POLR2M: variants seen among roughly 807,000 people sequenced by gnomAD.
POLR2M encodes RNA polymerase II subunit M, also known as protein GRINL1A.
Under a neutral mutation model 34.6 loss-of-function variants are expected in POLR2M, and 30 were observed. The ratio of observed to expected loss-of-function variants is 0.87; its 90% CI spans 0.65 to 1.18. The LOEUF (loss-of-function observed/expected upper bound fraction) is 1.18, where lower values mean the gene tolerates loss of function less well. Among genes scored for constraint, POLR2M ranks in the 50% most tolerant of loss-of-function variants. The probability of loss-of-function intolerance (pLI) is 0.00; values close to 1 mark genes in which losing one functional copy is unlikely to be tolerated. For missense variants in POLR2M, 432 were observed against 448.7 expected (o/e 0.96, Z 0.34); for synonymous variants, 150 against 166.7 (o/e 0.90, Z 0.77).
At chr15:57,713,197 C>CAAAAAA (rs10656680) in intron 3 of POLR2M, among the ~76,000 whole-genome samples, 2 of 145,790 alleles carry the variant, frequency 1.4e-5, no homozygotes, top group Non-Finnish European at 1.5e-5. Context: ...GACCCTGTCT[C>CAAAAAA]AAAAAAAAAA....
intron 2 of POLR2M, among the ~76,000 whole-genome samples, 187 bp downstream of exon 2, chr15:57,709,545 T>C (rs1303540339): frequency 6.6e-6 from 1 of 152,152 alleles, no homozygotes; most frequent in Non-Finnish European, 1.5e-5. Context: ...CCTTTTCTCT[T>C]AAATAAGTCA....
chr15:57,707,369 G>T, intron 1 of POLR2M: 1 of 701,184 alleles, frequency 1.4e-6, no homozygotes, highest in Non-Finnish European at 2.6e-6. Context: ...ATATGAAGAG[G>T]GGTTTATTAG....
chr15:57,708,849 G>T lies in POLR2M; in HGVS notation c.249G>T (p.Lys83Asn). 5.0e-6 allele frequency: 8 copies of T among 1,614,004 alleles called. No individual in the cohort carries two copies. The highest frequency in any genetic ancestry group is 5.9e-6 in the Non-Finnish European group (7 of 1,179,870). Residue 83 changes from lysine (K) to asparagine (N), a missense_variant, in exon 2 of 4, where the codon AAG becomes AAT. Coordinates refer to ENST00000299638, the MANE Select transcript of POLR2M (RefSeq NM_015532.5). ...TTAACCCTGTTAGTTTAGACTGTAA[G>T]CTAAGGCAAAAAGCAATTGCAGAAG... ...ELFNPVSLDC[K>N]LRQKAIAEVD...
At chr15:57,711,858 T>A in intron 2 of POLR2M, 126 bp from the exon 3 acceptor site, 1 of 1,139,648 alleles carries the variant, frequency 8.8e-7, no homozygotes, top group Non-Finnish European at 1.2e-6. Context: ...TGAATACTGG[T>A]AAATTACTTA....
At chr15:57,712,395 A>G (rs1286496603) in intron 3 of POLR2M, among the ~76,000 whole-genome samples, 2 of 152,294 alleles carry the variant, frequency 1.3e-5, no homozygotes, top group East Asian at 3.9e-4. Flanking sequence ...CTTCAACATT[A>G]AAGTGGTGAT....
In POLR2M at chr15:57,709,052, A is replaced by G. The variant is rs1168700972; in HGVS notation, c.452A>G (p.Asn151Ser). 4 of 1,613,868 alleles carry G rather than the reference A, an allele frequency of 2.5e-6. No homozygotes were observed. Among genetic ancestry groups the G allele is most frequent in the African/African-American group, 2.7e-5 (2 of 74,898 alleles). The change falls in exon 2 of 4, where the codon AAT becomes AGT. Residue 151 changes from asparagine to serine, a missense_variant. Physicochemically the swap from Asn to Ser is conservative, Grantham distance 46. Transcript: ENST00000299638. ...EETSEVEYTV[N>S]KGPASSNRDR... ...ACTTCAGAGGTTGAGTACACAGTGA[A>G]TAAGGGCCCAGCTTCCAGCAATAGA... is the stretch of plus-strand genomic sequence containing the variant.
intron 2 of POLR2M, among the ~76,000 whole-genome samples, chr15:57,710,064 A>G (rs74650315): frequency 0.019 from 2,936 of 152,342 alleles, 34 homozygotes; most frequent in African/African-American, 0.036. Context: ...GTGTAATGTA[A>G]TACAATACCA....
At chr15:57,708,674 A>C (rs2040586658) in intron 1 of POLR2M, 40 bp from the exon 2 acceptor site, 1 of 1,496,990 alleles carries the variant, frequency 6.7e-7, no homozygotes, top group East Asian at 2.3e-5. Flanking sequence ...CAAGTTAAAA[A>C]AATGGCTGTA....
At position 57,715,495 on chromosome 15, in the gene POLR2M, G is replaced by A. The variant is rs1490097616; in HGVS notation, c.*816G>A. The A allele has an allele frequency of 1.3e-5, 2 of 152,166 alleles. No homozygotes were observed. Among genetic ancestry groups the A allele is most frequent in the African/African-American group, 2.4e-5 (1 of 41,438 alleles). The allele number at this position is 152,166 out of a possible 1,614,324, so 9.4% of individuals were successfully genotyped here. On this transcript the variant is annotated 3_prime_UTR_variant, in exon 4 of 4. Transcript: ENST00000299638. ...GAGAAGCCCAAGCTAACTGAGCTGGGTGAAGGCTTGTGCATCACCTGGCTT... is the reference window on the plus strand; with the variant it reads ...GAGAAGCCCAAGCTAACTGAGCTGGATGAAGGCTTGTGCATCACCTGGCTT...
intron 3 of POLR2M, 77 bp from the exon 4 acceptor site, chr15:57,714,459 C>T (rs1212038850): frequency 6.3e-7 from 1 of 1,584,380 alleles, no homozygotes; most frequent in Non-Finnish European, 8.6e-7. Flanking sequence ...ATTGCTGATT[C>T]TAGGTAACTT....
chr15:57,709,422 G>A (rs893804664), intron 2 of POLR2M, 64 bp downstream of exon 2: 2 of 1,534,896 alleles, frequency 1.3e-6, no homozygotes, highest in East Asian at 2.3e-5. Flanking sequence ...AAAAATTTAC[G>A]AGAAACTGGG....
chr15:57,714,504 T>A (rs1346353770), intron 3 of POLR2M, 32 bp from the exon 4 acceptor site: 1 of 1,610,252 alleles, frequency 6.2e-7, no homozygotes, highest in Non-Finnish European at 8.5e-7. Context: ...GATGTGAACG[T>A]GTAACTTTGT....
intron 1 of POLR2M, chr15:57,707,274 G>T (rs1595980193): frequency 1.1e-6 from 1 of 890,942 alleles, no homozygotes; most frequent in East Asian, 2.7e-5. Flanking sequence ...CCCTTTTGTC[G>T]CCCGCACCCC....
At chr15:57,707,201 G>A (rs2040527135) in intron 1 of POLR2M, 3 of 1,456,046 alleles carry the variant, frequency 2.1e-6, no homozygotes, top group Non-Finnish European at 2.7e-6. Context: ...CAGGGAGTTA[G>A]TAGCCCCTGG....
chr15:57,707,080 C>G (rs1256199731), intron 1 of POLR2M, 125 bp downstream of exon 1: 1 of 1,551,374 alleles, frequency 6.4e-7, no homozygotes, highest in South Asian at 1.2e-5. Context: ...ACATTCGCTT[C>G]AGTCCTACGG....
chr15:57,712,588 C>G (rs555395468), intron 3 of POLR2M, among the ~76,000 whole-genome samples: 1 of 152,236 alleles, frequency 6.6e-6, no homozygotes, highest in East Asian at 1.9e-4. Flanking sequence ...GAATGTAGTT[C>G]CCAGGCTTCC....
Position 57,709,138 on chromosome 15 carries a change from C to G in POLR2M, c.538C>G (p.Gln180Glu), listed in dbSNP as rs373960826. 2 of 1,614,198 alleles carry G rather than the reference C, an allele frequency of 1.2e-6. No homozygotes were observed. The highest frequency in any genetic ancestry group is 4.5e-5 in the East Asian group (2 of 44,894). The change falls in exon 2 of 4, where the codon CAA becomes GAA. Residue 180 changes from glutamine to glutamate, a missense_variant. Coordinates refer to ENST00000299638, the MANE Select transcript of POLR2M (RefSeq NM_015532.5). ...EHHPRHRVSS[Q>E]AEDTSSSFDN... ...TCACCCGCGGCATCGTGTTTCAAGT[C>G]AAGCGGAAGATACTTCCAGCAGCTT...
intron 2 of POLR2M, among the ~76,000 whole-genome samples, chr15:57,711,654 G>A (rs574629149): frequency 4.6e-5 from 7 of 150,576 alleles, no homozygotes; most frequent in Non-Finnish European, 7.4e-5. Context: ...ATCTATCACA[G>A]TATCTCTGGT....
chr15:57,713,828 T>C (rs1270336261), intron 3 of POLR2M, among the ~76,000 whole-genome samples: 47 of 10,140 alleles, frequency 4.6e-3, no homozygotes, highest in African/African-American at 8.5e-3. Flanking sequence ...TTCTTTTTTT[T>C]TTTTTTTTTT....
Sources: gnomAD v4.1 joint callset for allele counts (sites outside exome capture counted in the v4.1 genomes callset) on GRCh38, gnomAD v4.1.1 for gene constraint, MANE v1.5 for transcripts, NCBI Gene and HGNC (gene_info 2026-07-23, HGNC 2026-07-21) for gene names.